The following BCL2 variants were observed in gnomAD, a reference collection of about 807,000 sequenced individuals.
BCL2 encodes the protein BCL2 apoptosis regulator.
In BCL2, 1 loss-of-function variant was observed where a neutral mutation model predicts 14.2. The observed-to-expected ratio is 0.07, with a 90% CI of 0.02 to 0.33. BCL2 has a LOEUF of 0.33. Ranked by LOEUF, BCL2 falls within the 10% of genes least tolerant of loss-of-function variation. The pLI is 0.99. For missense variants in BCL2, 247 were observed against 305.9 expected, an observed-to-expected ratio of 0.81 and a Z score of 1.44; for synonymous variants, 151 against 137.2, an observed-to-expected ratio of 1.10 and a Z score of -0.70.
At chr18:63,290,317 A>G (rs1912609508) in intron 2 of BCL2, among the ~76,000 whole-genome samples, 1 of 152,194 alleles carries the variant, frequency 6.6e-6, no homozygotes, top group South Asian at 2.1e-4. Context: ...CCATTTGAGA[A>G]TCAGCTGCAT....
chr18:63,295,890 C>A (rs887043763), intron 2 of BCL2, among the ~76,000 whole-genome samples: 2 of 152,172 alleles, frequency 1.3e-5, no homozygotes, highest in African/African-American at 4.8e-5. Flanking sequence ...GATCCACCAA[C>A]CTTGCTCCAC....
intron 2 of BCL2, among the ~76,000 whole-genome samples, chr18:63,294,397 G>T (rs1482838717): frequency 1.3e-5 from 2 of 152,120 alleles, no homozygotes; most frequent in East Asian, 1.9e-4. Flanking sequence ...GGCTGGGCAG[G>T]GTGGCTCACA....
chr18:63,142,555 T>A (rs960497571), intron 2 of BCL2, among the ~76,000 whole-genome samples: 2 of 152,332 alleles, frequency 1.3e-5, no homozygotes, highest in African/African-American at 2.4e-5. Flanking sequence ...CCCCAACGTA[T>A]AATAGTCTTA....
intron 2 of BCL2, among the ~76,000 whole-genome samples, chr18:63,239,692 A>T (rs1356594107): frequency 1.3e-5 from 2 of 151,846 alleles, no homozygotes; most frequent in African/African-American, 4.8e-5. Flanking sequence ...GTGAGCTGAG[A>T]TCGCGCCACT....
chr18:63,316,322 G>A (rs1913495326), intron 2 of BCL2: 1 of 152,110 alleles, frequency 6.6e-6, no homozygotes, highest in African/African-American at 2.4e-5. Flanking sequence ...CAAGTAGAAA[G>A]AAAATTTGTA....
At chr18:63,220,431 A>G (rs1018324964) in intron 2 of BCL2, among the ~76,000 whole-genome samples, 46 of 152,190 alleles carry the variant, frequency 3.0e-4, no homozygotes, top group African/African-American at 9.4e-4. Context: ...GTTTCTCCAT[A>G]CAACATCGGT....
chr18:63,173,919 CATA>C (rs1599224753), intron 2 of BCL2, among the ~76,000 whole-genome samples: 1 of 152,076 alleles, frequency 6.6e-6, no homozygotes, highest in Non-Finnish European at 1.5e-5. Flanking sequence ...GTGAGAAAAA[CATA>C]ATAAGAATTT....
chr18:63,169,326 TC>T (rs1262459476), intron 2 of BCL2, among the ~76,000 whole-genome samples: 1,822 of 85,104 alleles, frequency 0.021, 159 homozygotes, highest in South Asian at 0.057. Context: ...CTTCCTTCTT[TC>T]CTTTCCTTCC....
chr18:63,129,869 G>A (rs1914020646), intron 2 of BCL2, among the ~76,000 whole-genome samples: 1 of 152,192 alleles, frequency 6.6e-6, no homozygotes, highest in South Asian at 2.1e-4. Context: ...GGAGCTGTCA[G>A]GGGGTTTCTC....
intron 2 of BCL2, among the ~76,000 whole-genome samples, chr18:63,164,925 C>G (rs1037505038): frequency 1.2e-4 from 19 of 152,116 alleles, no homozygotes; most frequent in African/African-American, 4.3e-4. Context: ...TGGAACCAAC[C>G]CAAATGTCCA....
intron 2 of BCL2, among the ~76,000 whole-genome samples, chr18:63,221,828 G>A (rs775432867): frequency 6.6e-6 from 1 of 152,144 alleles, no homozygotes; most frequent in Non-Finnish European, 1.5e-5. Context: ...TTGTAAGATC[G>A]GAATTTATAC....
chr18:63,226,195 C>T (rs1235093259), intron 2 of BCL2, among the ~76,000 whole-genome samples: 1 of 152,244 alleles, frequency 6.6e-6, no homozygotes, highest in Non-Finnish European at 1.5e-5. Flanking sequence ...CAACGTCCAA[C>T]TGTAGTCTTC....
intron 2 of BCL2, among the ~76,000 whole-genome samples, chr18:63,225,344 CTATAA>C (rs796922875): frequency 7.2e-5 from 11 of 151,874 alleles, no homozygotes; most frequent in African/African-American, 2.4e-4. Context: ...TTTTTATCTA[CTATAA>C]TATAAGGTTA....
chr18:63,198,314 TGACACA>T (rs1909513121), intron 2 of BCL2, among the ~76,000 whole-genome samples: 1 of 40,276 alleles, frequency 2.5e-5, no homozygotes, highest in African/African-American at 1.1e-4. Context: ...AGACACACAC[TGACACA>T]GACACAGAGA....
At chr18:63,151,655 A>C (rs979554231) in intron 2 of BCL2, among the ~76,000 whole-genome samples, 1 of 152,176 alleles carries the variant, frequency 6.6e-6, no homozygotes, top group Non-Finnish European at 1.5e-5. Flanking sequence ...GGAGCTTATT[A>C]ATTTTCTGTA....
intron 2 of BCL2, among the ~76,000 whole-genome samples, chr18:63,142,120 A>C (rs1914382411): frequency 1.3e-5 from 2 of 152,138 alleles, no homozygotes; most frequent in South Asian, 4.1e-4. Flanking sequence ...TTTGGTTTTC[A>C]CTTGTTTAAA....
At chr18:63,178,173 C>T (rs531414532) in intron 2 of BCL2, among the ~76,000 whole-genome samples, 6 of 152,324 alleles carry the variant, frequency 3.9e-5, no homozygotes, top group Admixed American at 1.3e-4. Context: ...GTTTATGCTG[C>T]TTTGCTTAAA....
At chr18:63,316,663 G>GT (rs1283794119) in intron 2 of BCL2, 1 of 152,066 alleles carries the variant, frequency 6.6e-6, no homozygotes, top group Non-Finnish European at 1.5e-5. Flanking sequence ...GTCAACTTTG[G>GT]TCAAATAAGA....
intron 2 of BCL2, among the ~76,000 whole-genome samples, chr18:63,255,833 C>T (rs79806744): frequency 6.6e-5 from 10 of 151,844 alleles, no homozygotes; most frequent in South Asian, 2.1e-4. Context: ...GCCCTCCCCC[C>T]CCGCCACACA....
Sources: gnomAD v4.1 joint callset for allele counts (sites outside exome capture counted in the v4.1 genomes callset) on GRCh38, gnomAD v4.1.1 for gene constraint, MANE v1.5 for transcripts, NCBI Gene and HGNC (gene_info 2026-07-23, HGNC 2026-07-21) for gene names.